ZNF790: variants seen among roughly 807,000 people sequenced by gnomAD.
The protein encoded by ZNF790 is zinc finger protein 790.
ZNF790 carries 8 observed loss-of-function variants against 12.1 expected under a neutral mutation model. The ratio of observed to expected loss-of-function variants is 0.66; its 90% CI spans 0.39 to 1.19. The LOEUF is 1.19. Ranked by LOEUF, ZNF790 falls within the 50% of genes most tolerant of loss-of-function variation. The probability of loss-of-function intolerance (pLI) is 0.01; values close to 1 mark genes in which losing one functional copy is unlikely to be tolerated. For synonymous variants in ZNF790, 252 were observed against 244.3 expected (o/e 1.03, Z -0.29); for missense variants, 707 against 752.2 (o/e 0.94, Z 0.70).
Position 36,819,609 on chromosome 19 carries a change from C to CT in ZNF790, c.734dup (p.Arg246GlufsTer6). On this transcript the variant is annotated frameshift_variant, in exon 5 of 5. Transcript: ENST00000356725. LOFTEE classifies it low-confidence loss of function (END_TRUNC). ...AAGGTTTCTCACCGGTATGAATTCT[C>CT]TTATGACCAGTAAGACTCGAACGTA... The CT allele has an allele frequency of 6.2e-7, 1 of 1,608,180 alleles. No individual in the cohort carries two copies. Among genetic ancestry groups the CT allele is most frequent in the South Asian group, 1.1e-5 (1 of 90,660 alleles).
rs550388886 is a variant in ZNF790, at chr19:36,848,907, C to T, written c.-74+1095G>A. Among the ~76,000 whole-genome samples the T allele has an allele frequency of 2.0e-4, 30 of 152,220 alleles. No homozygotes were observed. The South Asian group carries it at 3.7e-3, about 19-fold the overall frequency. On this transcript the variant is annotated intron_variant, in intron 1 of 4. Transcript: ENST00000528994. ...CTGCCGGGTTCAAGCCATTCTCCTGCGTCAGCCTCCAAAGTAGCTGGGATT... is the reference window on the plus strand; with the variant it reads ...CTGCCGGGTTCAAGCCATTCTCCTGTGTCAGCCTCCAAAGTAGCTGGGATT...
intron 1 of ZNF790, among the ~76,000 whole-genome samples, chr19:36,836,577 T>C (rs1481444355): frequency 1.3e-5 from 2 of 151,808 alleles, no homozygotes; most frequent in Non-Finnish European, 2.9e-5. Context: ...GCCGACACGG[T>C]GAAACCCCAT....
At chr19:36,841,499 A>C (rs1426111655), upstream of ZNF790, among the ~76,000 whole-genome samples, 1 of 151,884 alleles carries the variant, frequency 6.6e-6, no homozygotes, top group Non-Finnish European at 1.5e-5. Flanking sequence ...TCGTGCCTGT[A>C]ATCCCAGCTA....
intron 4 of ZNF790, among the ~76,000 whole-genome samples, chr19:36,821,935 C>T (rs2071682951): frequency 6.6e-6 from 1 of 152,060 alleles, no homozygotes; most frequent in African/African-American, 2.4e-5. Flanking sequence ...CTTCATAAGC[C>T]CTAACCTTTC....
chr19:36,848,382 G>A (rs1211600475), intron 1 of ZNF790, among the ~76,000 whole-genome samples: 2 of 152,134 alleles, frequency 1.3e-5, no homozygotes, highest in African/African-American at 4.8e-5. Flanking sequence ...GAAACACAAA[G>A]GGCTGAGTTC....
At chr19:36,827,141 C>CATATATATATATATATATATATAT (rs369671729) in intron 1 of ZNF790, among the ~76,000 whole-genome samples, 1 of 84,440 alleles carries the variant, frequency 1.2e-5, no homozygotes, top group Admixed American at 1.4e-4. Context: ...CACACACACA[C>CATATATATATATATATATATATAT]ATATATATAT....
In ZNF790 at chr19:36,818,589, A is replaced by G; in HGVS notation, c.1755T>C (p.Ser585=). ...AGTCTGTCCATTCACAGAGATTTGC[A>G]CTATTATGAATTTTTTGTTCAGTAA... The part of the protein sequence containing the change: ...SYFTEQKIHN[S]ANLCEWTDYG... Residue 585 remains serine (S), a synonymous_variant, in exon 5 of 5, where the codon AGT becomes AGC. Coordinates refer to ENST00000356725, the MANE Select transcript of ZNF790 (RefSeq NM_206894.4). The G allele has an allele frequency of 6.2e-7, 1 of 1,611,074 alleles. No individual in the cohort carries two copies. The highest frequency in any genetic ancestry group is 8.5e-7 in the Non-Finnish European group (1 of 1,177,584).
intron 1 of ZNF790, among the ~76,000 whole-genome samples, chr19:36,845,144 A>C (rs550299577): frequency 2.7e-5 from 4 of 150,792 alleles, no homozygotes; most frequent in African/African-American, 9.7e-5. Context: ...TAGGCCAGGC[A>C]CAGTGGCTAA....
intron 1 of ZNF790, among the ~76,000 whole-genome samples, chr19:36,832,000 A>T (rs982935113): frequency 5.3e-5 from 8 of 152,232 alleles, no homozygotes; most frequent in African/African-American, 1.9e-4. Context: ...TACCCCAAAC[A>T]GTGGGGTAAA....
intron 1 of ZNF790, among the ~76,000 whole-genome samples, chr19:36,844,827 T>A (rs2072162260): frequency 6.6e-6 from 1 of 151,004 alleles, no homozygotes; most frequent in Non-Finnish European, 1.5e-5. Context: ...GGCGGGCGGA[T>A]CACGAGGTCA....
intron 1 of ZNF790, among the ~76,000 whole-genome samples, chr19:36,847,237 C>T (rs145270573): frequency 6.6e-6 from 1 of 151,704 alleles, no homozygotes; most frequent in African/African-American, 2.4e-5. Context: ...ATCTGTAATC[C>T]CAGCTACTCG....
Position 36,818,571 on chromosome 19 carries a change from C to T in ZNF790, c.1773G>A (p.Trp591Ter). The change falls in exon 5 of 5, where the codon TGG (tryptophan) becomes TGA (stop). Residue 591 changes from tryptophan to a stop codon, truncating the protein, a stop_gained. Coordinates refer to ENST00000356725, the MANE Select transcript of ZNF790 (RefSeq NM_206894.4). LOFTEE classifies it low-confidence loss of function (END_TRUNC). ...GACTAAAGGTGTTCCCATAGTCTGT[C>T]CATTCACAGAGATTTGCACTATTAT... The part of the protein sequence containing the change: ...KIHNSANLCE[W>*]TDYGNTFSHE... 2 of 1,610,356 alleles carry T rather than the reference C, an allele frequency of 1.2e-6. No homozygotes were observed. The highest frequency in any genetic ancestry group is 1.7e-6 in the Non-Finnish European group (2 of 1,176,866).
rs2071628756 is a variant in ZNF790 at position 36,819,905 on chromosome 19, T to C, written c.439A>G (p.Lys147Glu). 1 of 1,614,210 alleles carries C rather than the reference T, an allele frequency of 6.2e-7. No homozygotes were observed. The highest frequency in any genetic ancestry group is 8.5e-7 in the Non-Finnish European group (1 of 1,180,032). The stretch of plus-strand genomic sequence containing the variant: ...GTATGCTGGTTAAAAGTGGGCCTTT[T>C]TTCACAGGTGCGTATCACCTGCTTG... Reference protein sequence around the residue: ...CFKQVIRTCEKRPTFNQHTVF... With the variant: ...CFKQVIRTCEERPTFNQHTVF... The change falls in exon 5 of 5, where the codon AAA becomes GAA. Residue 147 changes from lysine to glutamate, a missense_variant. Transcript: ENST00000356725.
intron 3 of ZNF790, 23 bp from the exon 4 acceptor site, chr19:36,823,403 C>G (rs752281039): frequency 6.2e-7 from 1 of 1,604,584 alleles, no homozygotes; most frequent in South Asian, 1.1e-5. Context: ...TGAGAAACAG[C>G]AAAGAACCAC....
intron 1 of ZNF790, among the ~76,000 whole-genome samples, chr19:36,833,658 A>G (rs1008774567): frequency 1.3e-5 from 2 of 152,212 alleles, no homozygotes; most frequent in South Asian, 4.1e-4. Flanking sequence ...ATATCAAGAC[A>G]CCATAGATTT....
At chr19:36,842,229 C>CAG (rs561926207), upstream of ZNF790, among the ~76,000 whole-genome samples, 299 of 152,256 alleles carry the variant, frequency 2.0e-3, 3 homozygotes, top group African/African-American at 6.7e-3. Flanking sequence ...ATATATCAGG[C>CAG]AGAGGACTTG....
intron 1 of ZNF790, among the ~76,000 whole-genome samples, chr19:36,835,287 A>G (rs1406814363): frequency 7.2e-6 from 1 of 139,100 alleles, no homozygotes; most frequent in Non-Finnish European, 1.5e-5. Context: ...TCTCAAAAAA[A>G]ATAAAATAAA....
chr19:36,844,222 G>A (rs2146094253), intron 1 of ZNF790, among the ~76,000 whole-genome samples: 1 of 151,322 alleles, frequency 6.6e-6, no homozygotes, highest in South Asian at 2.1e-4. Flanking sequence ...GAGGTGGGAG[G>A]ATCGTTTGAG....
At chr19:36,820,165 A>AT in intron 4 of ZNF790, 51 bp from the exon 5 acceptor site, 1 of 1,525,822 alleles carries the variant, frequency 6.6e-7, no homozygotes, top group African/African-American at 1.4e-5. Context: ...ACAAAAAGCA[A>AT]TACAACTTCT....
Sources: gnomAD v4.1 joint callset for allele counts (sites outside exome capture counted in the v4.1 genomes callset) on GRCh38, gnomAD v4.1.1 for gene constraint, MANE v1.5 for transcripts, NCBI Gene and HGNC (gene_info 2026-07-23, HGNC 2026-07-21) for gene names.